Variants in FRMD3 observed in about 807,000 individuals in gnomAD.
The protein encoded by FRMD3 is FERM domain-containing protein 3.
Under a neutral mutation model 70.2 loss-of-function variants are expected in FRMD3, and 33 were observed. The observed-to-expected ratio is 0.47, with a 90% CI of 0.36 to 0.63. The LOEUF (loss-of-function observed/expected upper bound fraction) is 0.63. Ranked by LOEUF, FRMD3 falls within the 20% of genes least tolerant of loss-of-function variation. The probability of loss-of-function intolerance (pLI) is 0.00; values close to 1 mark genes in which losing one functional copy is unlikely to be tolerated. For synonymous variants in FRMD3, 279 were observed against 255.9 expected, an observed-to-expected ratio of 1.09 and a Z score of -0.86; for missense variants, 632 against 711.4, an observed-to-expected ratio of 0.89 and a Z score of 1.27.
chr9:83,300,328 G>A (rs1177736208), intron 10 of FRMD3, among the ~76,000 whole-genome samples: 1 of 152,200 alleles, frequency 6.6e-6, no homozygotes, highest in Middle Eastern at 3.2e-3. Context: ...TGTTAACCAG[G>A]GCACGGTGCA....
intron 1 of FRMD3, among the ~76,000 whole-genome samples, chr9:83,507,366 C>CAAA (rs61570991): frequency 0.016 from 754 of 46,698 alleles, 46 homozygotes; most frequent in Middle Eastern, 0.025. Flanking sequence ...GACTCCGTCT[C>CAAA]AAAAAAAAAA....
intron 1 of FRMD3, among the ~76,000 whole-genome samples, chr9:83,446,504 G>C (rs952876991): frequency 3.3e-5 from 5 of 152,056 alleles, no homozygotes; most frequent in Admixed American, 6.5e-5. Flanking sequence ...AAAATTAGCC[G>C]GGCGCGGTGG....
chr9:83,464,316 C>A (rs1237127523), intron 1 of FRMD3, among the ~76,000 whole-genome samples: 2 of 152,156 alleles, frequency 1.3e-5, no homozygotes, highest in Non-Finnish European at 2.9e-5. Context: ...CTATGAGTAC[C>A]AGCAGTCGCC....
chr9:83,549,458 G>C, the FRMD3 span, among the ~76,000 whole-genome samples: 1 of 152,064 alleles, frequency 6.6e-6, no homozygotes, highest in African/African-American at 2.4e-5. Flanking sequence ...ATATTCCTCT[G>C]GGTATACACC....
the FRMD3 span, among the ~76,000 whole-genome samples, chr9:83,565,040 T>C: frequency 6.6e-6 from 1 of 152,180 alleles, no homozygotes; most frequent in African/African-American, 2.4e-5. Context: ...GCCAGTGATA[T>C]TTAATTTAAT....
At chr9:83,430,648 C>A (rs749949455) in intron 1 of FRMD3, among the ~76,000 whole-genome samples, 2 of 152,096 alleles carry the variant, frequency 1.3e-5, no homozygotes, top group African/African-American at 4.8e-5. Flanking sequence ...TTCACACCAA[C>A]GAGCCAGCAA....
chr9:83,468,515 G>A (rs1432613482), intron 1 of FRMD3, among the ~76,000 whole-genome samples: 2 of 152,094 alleles, frequency 1.3e-5, no homozygotes, highest in African/African-American at 4.8e-5. Flanking sequence ...CAGAACTTCA[G>A]GTTCCTAAAC....
intron 12 of FRMD3, among the ~76,000 whole-genome samples, chr9:83,297,967 C>T (rs149429489): frequency 5.8e-4 from 88 of 152,216 alleles, no homozygotes; most frequent in African/African-American, 2.0e-3. Context: ...TGGAGAGGCA[C>T]CCAGCTCATT....
intron 2 of FRMD3, among the ~76,000 whole-genome samples, chr9:83,378,830 TATATATACTATATATAAATTTTATATAA>T (rs1564048059): frequency 0.026 from 3,514 of 133,280 alleles, 226 homozygotes; most frequent in African/African-American, 0.095. Flanking sequence ...TTTATATAAA[TATATATACTATATATAAATTTTATATAA>T]ATATATATAC....
At chr9:83,501,621 A>G (rs1288955526) in intron 1 of FRMD3, among the ~76,000 whole-genome samples, 1 of 152,226 alleles carries the variant, frequency 6.6e-6, no homozygotes, top group Non-Finnish European at 1.5e-5. Flanking sequence ...AAAACTATGC[A>G]TTTTAAACTG....
chr9:83,273,213 T>A, intron 13 of FRMD3, among the ~76,000 whole-genome samples: 1 of 152,206 alleles, frequency 6.6e-6, no homozygotes, highest in Non-Finnish European at 1.5e-5. Context: ...GGGGAAAAGA[T>A]AGAGAAATCA....
intron 13 of FRMD3, among the ~76,000 whole-genome samples, chr9:83,254,801 C>T (rs1015267376): frequency 6.6e-6 from 1 of 152,114 alleles, no homozygotes; most frequent in Non-Finnish European, 1.5e-5. Flanking sequence ...TTCCTGGACA[C>T]ATACACCTTC....
chr9:83,350,981 T>C (rs1040683921), intron 3 of FRMD3: 2 of 961,910 alleles, frequency 2.1e-6, no homozygotes, highest in Admixed American at 6.2e-5. Flanking sequence ...ACTATTTCCA[T>C]GGATTGGACA....
intron 13 of FRMD3, among the ~76,000 whole-genome samples, chr9:83,264,451 G>A (rs1055560167): frequency 1.3e-5 from 2 of 152,126 alleles, no homozygotes; most frequent in African/African-American, 4.8e-5. Flanking sequence ...TAACGCAAAC[G>A]ATCAACTTTG....
chr9:83,496,482 C>A (rs1325447841), intron 1 of FRMD3, among the ~76,000 whole-genome samples: 2 of 152,142 alleles, frequency 1.3e-5, no homozygotes, highest in Non-Finnish European at 2.9e-5. Flanking sequence ...TAAAAAATCA[C>A]CAAGGAGCAT....
At chr9:83,450,347 G>GTTTTTTTTTTTTT (rs763340189) in intron 1 of FRMD3, among the ~76,000 whole-genome samples, 8 of 111,576 alleles carry the variant, frequency 7.2e-5, no homozygotes, top group Non-Finnish European at 9.2e-5. Flanking sequence ...GTCACCCTCA[G>GTTTTTTTTTTTTT]TTTTTTTTTT....
chr9:83,485,778 T>C (rs1020045341), intron 1 of FRMD3, among the ~76,000 whole-genome samples: 1 of 152,178 alleles, frequency 6.6e-6, no homozygotes, highest in Non-Finnish European at 1.5e-5. Flanking sequence ...CTCCATTCAG[T>C]CACTAATGTA....
chr9:83,291,060 A>G (rs1490126948), intron 12 of FRMD3, among the ~76,000 whole-genome samples: 1 of 152,198 alleles, frequency 6.6e-6, no homozygotes, highest in Admixed American at 6.5e-5. Flanking sequence ...GGTAGCTAGC[A>G]CTGAACTAGA....
At chr9:83,270,686 T>G (rs1176200346) in intron 13 of FRMD3, among the ~76,000 whole-genome samples, 1 of 152,216 alleles carries the variant, frequency 6.6e-6, no homozygotes, top group East Asian at 1.9e-4. Context: ...TCCACATCTG[T>G]AACAAAAGCT....
Sources: allele counts gnomAD v4.1 joint callset (sites outside exome capture counted in the v4.1 genomes callset), GRCh38; gene constraint gnomAD v4.1.1; transcripts MANE v1.5; gene names NCBI Gene and HGNC (gene_info 2026-07-23, HGNC 2026-07-21).